Variants in PSMD1 observed in about 807,000 individuals in gnomAD.
The protein encoded by PSMD1 is proteasome 26S subunit, non-ATPase 1.
Under a neutral mutation model 119.0 loss-of-function variants are expected in PSMD1, and 18 were observed. That is an observed-to-expected ratio of 0.15 (90% CI 0.10 to 0.22). PSMD1 has a LOEUF of 0.22. Among genes scored for constraint, PSMD1 ranks in the 10% least tolerant of loss-of-function variants. The probability of loss-of-function intolerance (pLI) is 1.00; values close to 1 mark genes in which losing one functional copy is unlikely to be tolerated. For synonymous variants in PSMD1, 374 were observed against 396.6 expected (o/e 0.94, Z 0.68); for missense variants, 702 against 1,158.5 (o/e 0.61, Z 5.72).
intron 4 of PSMD1, among the ~76,000 whole-genome samples, chr2:231,065,458 A>AGTTT (rs1693883163): frequency 1.2e-5 from 1 of 86,388 alleles, no homozygotes; most frequent in Non-Finnish European, 2.0e-5. Context: ...ACACCCGGCT[A>AGTTT]ATTTTTTTTT....
chr2:231,082,860 T>G, intron 12 of PSMD1, 23 bp from the exon 13 acceptor site: 1 of 1,558,760 alleles, frequency 6.4e-7, no homozygotes, highest in Non-Finnish European at 8.8e-7. Context: ...ACCAAATCAA[T>G]GGAATCTATG....
chr2:231,062,328 AATT>A lies in PSMD1; in HGVS notation c.134+11_134+13del, dbSNP rs750628311. The stretch of plus-strand genomic sequence containing the variant: ...CCGAGTCCGTAGACAAAATGTAAGA[AATT>A]ATTTTTATAAATCAGAATAAGATGG... On this transcript the variant is annotated splice_region_variant and intron_variant, in intron 3 of 24. Coordinates refer to ENST00000308696, the MANE Select transcript of PSMD1 (RefSeq NM_002807.4). The A allele has an allele frequency of 1.5e-5, 24 of 1,592,498 alleles. No homozygotes were observed. In the African/African-American group the frequency reaches 2.7e-4, roughly 18 times the overall value.
chr2:231,093,710 T>C (rs895915497), intron 16 of PSMD1, among the ~76,000 whole-genome samples: 3 of 152,216 alleles, frequency 2.0e-5, no homozygotes, highest in African/African-American at 7.2e-5. Flanking sequence ...TTTTAAAAAT[T>C]AAGGGTAAAT....
At chr2:231,060,441 C>T (rs1338521050) in intron 1 of PSMD1, 1 of 152,234 alleles carries the variant, frequency 6.6e-6, no homozygotes, top group Non-Finnish European at 1.5e-5. Flanking sequence ...TTAAAACCCA[C>T]ATGGAAAGCA....
intron 16 of PSMD1, among the ~76,000 whole-genome samples, chr2:231,131,590 G>A (rs1233831922): frequency 3.7e-5 from 3 of 81,554 alleles, no homozygotes; most frequent in Non-Finnish European, 4.0e-5. Flanking sequence ...GTGAAACCCC[G>A]TCTCTACTAA....
At chr2:231,083,809 A>T in intron 14 of PSMD1, 46 bp downstream of exon 14, 6 of 1,574,740 alleles carry the variant, frequency 3.8e-6, no homozygotes, top group Non-Finnish European at 5.2e-6. Flanking sequence ...TCCAGCATGT[A>T]AAAAACACTT....
chr2:231,100,173 TA>T (rs769140609), intron 16 of PSMD1, among the ~76,000 whole-genome samples: 1 of 152,072 alleles, frequency 6.6e-6, no homozygotes, highest in Non-Finnish European at 1.5e-5. Flanking sequence ...TTGTTACATA[TA>T]AAGTTTCGAT....
In PSMD1 at chr2:231,066,886, T is replaced by C. The variant is rs770991700; in HGVS notation, c.305-20T>C. 1.3e-6 allele frequency: 2 copies of C among 1,554,774 alleles called. No homozygotes were observed. Among genetic ancestry groups the C allele is most frequent in the Admixed American group, 4.0e-5 (2 of 50,104 alleles). On this transcript the variant is annotated intron_variant, in intron 4 of 24. Transcript: ENST00000308696. ...TTAGCCCAATTTACAAGATAATCAG[T>C]TATTTTATTTCCTCAACAGCAAAAT...
chr2:231,106,367 C>G (rs956204832), intron 16 of PSMD1, among the ~76,000 whole-genome samples: 6 of 152,084 alleles, frequency 3.9e-5, no homozygotes, highest in Non-Finnish European at 7.4e-5. Flanking sequence ...ACCTGTAATC[C>G]CAGCACTTTG....
chr2:231,161,237 TTA>T, intron 19 of PSMD1, 101 bp from the exon 20 acceptor site: 14 of 1,120,938 alleles, frequency 1.2e-5, no homozygotes, highest in African/African-American at 1.7e-5. Context: ...CCCTATCTCT[TTA>T]AAAAAAAAAA....
chr2:231,065,889 T>G (rs1034697913), intron 4 of PSMD1, among the ~76,000 whole-genome samples: 2 of 152,184 alleles, frequency 1.3e-5, no homozygotes, highest in Admixed American at 6.5e-5. Flanking sequence ...AGACAATAAA[T>G]AGAGTCAGGA....
intron 16 of PSMD1, among the ~76,000 whole-genome samples, chr2:231,129,232 AGCAGTAAGTTGATG>A: frequency 6.6e-6 from 1 of 152,360 alleles, no homozygotes; most frequent in South Asian, 2.1e-4. Context: ...CTCAATGAAT[AGCAGTAAGTTGATG>A]GCAGCTCACT....
intron 17 of PSMD1, among the ~76,000 whole-genome samples, chr2:231,143,064 G>A (rs753836436): frequency 3.9e-5 from 6 of 151,904 alleles, no homozygotes; most frequent in South Asian, 4.2e-4. Context: ...TACTCTTTTC[G>A]TCCCAGATTT....
chr2:231,100,353 G>A (rs1383203535), intron 16 of PSMD1, among the ~76,000 whole-genome samples: 1 of 152,200 alleles, frequency 6.6e-6, no homozygotes, highest in African/African-American at 2.4e-5. Context: ...CTGCTGCTGT[G>A]TCATTCCCCT....
At chr2:231,090,285 G>A (rs917236022) in intron 16 of PSMD1, among the ~76,000 whole-genome samples, 1 of 152,246 alleles carries the variant, frequency 6.6e-6, no homozygotes, top group South Asian at 2.1e-4. Context: ...GCTCACGCCT[G>A]TAATCCCAGC....
At chr2:231,118,034 C>G (rs1695403431) in intron 16 of PSMD1, among the ~76,000 whole-genome samples, 1 of 152,024 alleles carries the variant, frequency 6.6e-6, no homozygotes, top group South Asian at 2.1e-4. Flanking sequence ...AATCAGTCCT[C>G]CTGGGTTTAA....
intron 18 of PSMD1, among the ~76,000 whole-genome samples, chr2:231,150,768 A>G (rs1334937857): frequency 6.6e-6 from 1 of 152,218 alleles, no homozygotes; most frequent in Non-Finnish European, 1.5e-5. Context: ...TTACAGACAT[A>G]TATTTGAAGT....
chr2:231,111,551 C>T (rs1695155982), intron 16 of PSMD1, among the ~76,000 whole-genome samples: 1 of 152,186 alleles, frequency 6.6e-6, no homozygotes, highest in African/African-American at 2.4e-5. Context: ...CCTAGAATAA[C>T]TGTAAATCCA....
intron 19 of PSMD1, among the ~76,000 whole-genome samples, chr2:231,160,516 A>G (rs1195454236): frequency 6.6e-6 from 1 of 152,210 alleles, no homozygotes. Flanking sequence ...TTTTATATAA[A>G]TTTTTATAAA....
Sources: gnomAD v4.1 joint callset for allele counts (sites outside exome capture counted in the v4.1 genomes callset) on GRCh38, gnomAD v4.1.1 for gene constraint, MANE v1.5 for transcripts, NCBI Gene and HGNC (gene_info 2026-07-23, HGNC 2026-07-21) for gene names.